RPS6KC1: variants seen among roughly 807,000 people sequenced by gnomAD.
RPS6KC1 encodes ribosomal protein S6 kinase C1.
In RPS6KC1, 54 loss-of-function variants were observed where a neutral mutation model predicts 103.8. The ratio of observed to expected loss-of-function variants is 0.52; its 90% CI spans 0.42 to 0.65. The LOEUF is 0.65. Among genes scored for constraint, RPS6KC1 ranks in the 30% least tolerant of loss-of-function variants. The probability of loss-of-function intolerance (pLI) is 0.00; values close to 1 mark genes in which losing one functional copy is unlikely to be tolerated. For synonymous variants in RPS6KC1, 439 were observed against 438.7 expected, an observed-to-expected ratio of 1.00 and a Z score of -0.01; for missense variants, 1,151 against 1,253.8, an observed-to-expected ratio of 0.92 and a Z score of 1.24.
chr1:213,299,965 C>T, the RPS6KC1 span, among the ~76,000 whole-genome samples: 394 of 152,218 alleles, frequency 2.6e-3, 3 homozygotes, highest in South Asian at 0.018. Flanking sequence ...CCACCACGCC[C>T]GGCTAATTTT....
chr1:213,630,483 AT>A, the RPS6KC1 span, among the ~76,000 whole-genome samples: 5 of 151,756 alleles, frequency 3.3e-5, no homozygotes, highest in Non-Finnish European at 7.4e-5. Context: ...CATTCATCTA[AT>A]TTTTTTTCAA....
intron 12 of RPS6KC1, among the ~76,000 whole-genome samples, chr1:213,243,057 G>A (rs1393019708): frequency 6.6e-6 from 1 of 151,928 alleles, no homozygotes; most frequent in Non-Finnish European, 1.5e-5. Flanking sequence ...ATGCAGTGGT[G>A]CTGTTATGTC....
At chr1:213,196,216 A>G (rs1012484058) in intron 8 of RPS6KC1, among the ~76,000 whole-genome samples, 1 of 151,946 alleles carries the variant, frequency 6.6e-6, no homozygotes, top group African/African-American at 2.4e-5. Context: ...TTTCATTTGC[A>G]TTTCCCTGAT....
At chr1:213,413,899 A>T in the RPS6KC1 span, among the ~76,000 whole-genome samples, 2 of 152,206 alleles carry the variant, frequency 1.3e-5, no homozygotes, top group Non-Finnish European at 2.9e-5. Context: ...GGATCAGGGC[A>T]TAGCTCAGTG....
chr1:213,666,959 C>T, the RPS6KC1 span, among the ~76,000 whole-genome samples: 1 of 152,188 alleles, frequency 6.6e-6, no homozygotes, highest in Admixed American at 6.5e-5. Flanking sequence ...AAGAGAAAAG[C>T]TCAGACCCAA....
intron 8 of RPS6KC1, among the ~76,000 whole-genome samples, chr1:213,210,325 G>A (rs1322273789): frequency 6.6e-6 from 1 of 152,150 alleles, no homozygotes; most frequent in Non-Finnish European, 1.5e-5. Flanking sequence ...ACTTGACCAA[G>A]TATACTTGTT....
the RPS6KC1 span, among the ~76,000 whole-genome samples, chr1:213,759,618 G>T: frequency 3.9e-4 from 59 of 151,488 alleles, no homozygotes; most frequent in Middle Eastern, 0.01. Context: ...TCTGGTAAGT[G>T]CACATCACCT....
the RPS6KC1 span, among the ~76,000 whole-genome samples, chr1:213,379,069 G>T: frequency 1.3e-5 from 2 of 152,138 alleles, no homozygotes; most frequent in Non-Finnish European, 2.9e-5. Context: ...TCCTATTGTT[G>T]TCTAACTTCA....
the RPS6KC1 span, among the ~76,000 whole-genome samples, chr1:213,838,009 C>T: frequency 2.6e-5 from 4 of 152,258 alleles, no homozygotes; most frequent in African/African-American, 9.6e-5. Flanking sequence ...ATTTTCTTTA[C>T]ACCTTTGTCT....
the RPS6KC1 span, among the ~76,000 whole-genome samples, chr1:213,837,843 C>G: frequency 1.3e-5 from 2 of 152,194 alleles, no homozygotes; most frequent in Non-Finnish European, 2.9e-5. Context: ...ATGCCACTTA[C>G]ACTTGAGACA....
At chr1:213,167,039 A>G (rs879811385) in intron 6 of RPS6KC1, among the ~76,000 whole-genome samples, 1 of 152,194 alleles carries the variant, frequency 6.6e-6, no homozygotes, top group Non-Finnish European at 1.5e-5. Context: ...AGCTCGAATA[A>G]CAGAGACAGT....
intron 3 of RPS6KC1, among the ~76,000 whole-genome samples, chr1:213,098,734 A>G (rs1439846505): frequency 1.3e-5 from 2 of 152,154 alleles, no homozygotes; most frequent in African/African-American, 4.8e-5. Context: ...AGATCACTAC[A>G]ACAGATATAA....
At chr1:213,400,433 A>G in the RPS6KC1 span, among the ~76,000 whole-genome samples, 1,136 of 152,328 alleles carry the variant, frequency 7.5e-3, 21 homozygotes, top group African/African-American at 0.025. Flanking sequence ...CCATTTATTC[A>G]TTGATGCTAT....
At chr1:213,716,275 G>A in the RPS6KC1 span, among the ~76,000 whole-genome samples, 2 of 152,130 alleles carry the variant, frequency 1.3e-5, no homozygotes, top group African/African-American at 4.8e-5. Context: ...CACTTGGATG[G>A]TGCTGAGGAC....
the RPS6KC1 span, among the ~76,000 whole-genome samples, chr1:213,568,196 C>G: frequency 6.6e-6 from 1 of 152,156 alleles, no homozygotes; most frequent in African/African-American, 2.4e-5. Flanking sequence ...ATAGAGCAAC[C>G]AGCTGCCCTG....
the RPS6KC1 span, among the ~76,000 whole-genome samples, chr1:213,351,235 G>A: frequency 6.6e-6 from 1 of 152,140 alleles, no homozygotes; most frequent in Admixed American, 6.6e-5. Flanking sequence ...GATTTTAGTA[G>A]ACACACAAAA....
rs532310541 is a variant in RPS6KC1 at position 213,134,352 on chromosome 1, C to T, written c.835+4463C>T. ...CATTTTCTTCCTTCTCCTCTCCTTC[C>T]CTTTTACCTCCTTTCCTCTCCTCTT... On this transcript the variant is annotated intron_variant, in intron 6 of 14. Coordinates refer to ENST00000366960, the MANE Select transcript of RPS6KC1 (RefSeq NM_012424.6). 3.3e-5 allele frequency among the ~76,000 whole-genome samples: 5 copies of T among 151,920 alleles called. No homozygotes were observed. In the South Asian group the frequency reaches 1.0e-3, roughly 32 times the overall value.
chr1:213,762,613 G>T, the RPS6KC1 span, among the ~76,000 whole-genome samples: 4 of 152,162 alleles, frequency 2.6e-5, no homozygotes, highest in African/African-American at 7.2e-5. Context: ...GGTGCAGATG[G>T]TCACTCTCAA....
the RPS6KC1 span, among the ~76,000 whole-genome samples, chr1:213,519,424 G>T: frequency 2.0e-5 from 3 of 152,136 alleles, no homozygotes; most frequent in Non-Finnish European, 4.4e-5. Context: ...CAGATTCACT[G>T]GGGGGAAAAG....
Sources: allele counts gnomAD v4.1 joint callset (sites outside exome capture counted in the v4.1 genomes callset), GRCh38; gene constraint gnomAD v4.1.1; transcripts MANE v1.5; gene names NCBI Gene and HGNC (gene_info 2026-07-23, HGNC 2026-07-21).